The following SPATA22 variants were observed in gnomAD, a reference collection of about 807,000 sequenced individuals.
The protein encoded by SPATA22 is spermatogenesis-associated protein 22.
A neutral mutation model predicts 47.8 loss-of-function variants in SPATA22; 29 were observed. The ratio of observed to expected loss-of-function variants is 0.61; its 90% CI spans 0.45 to 0.83. The LOEUF (loss-of-function observed/expected upper bound fraction) is 0.83. SPATA22 is among the 40% of genes least tolerant of loss of function. The pLI is 0.00. For synonymous variants in SPATA22, 133 were observed against 140.9 expected (o/e 0.94, Z 0.40); for missense variants, 410 against 421.7 (o/e 0.97, Z 0.24).
chr17:3,463,878 G>T (rs1226664021), intron 3 of SPATA22, among the ~76,000 whole-genome samples: 1 of 150,632 alleles, frequency 6.6e-6, no homozygotes, highest in Non-Finnish European at 1.5e-5. Flanking sequence ...CTGATTAATG[G>T]ATCAAGACAA....
upstream of SPATA22, chr17:3,474,213 C>T (rs2073488695): frequency 6.6e-6 from 1 of 152,130 alleles, no homozygotes; most frequent in Non-Finnish European, 1.5e-5. Flanking sequence ...CATTAACTCT[C>T]AAAAAAGTTA....
At chr17:3,447,425 AC>A (rs528832062) in intron 6 of SPATA22, among the ~76,000 whole-genome samples, 107 of 142,942 alleles carry the variant, frequency 7.5e-4, no homozygotes, top group African/African-American at 2.5e-3. Context: ...CCCCCGCTTA[AC>A]GAAGATTCTA....
chr17:3,506,986 A>AGAAGGAAGGAAGGGAG (rs60257580), intron 1 of SPATA22, among the ~76,000 whole-genome samples: 1 of 140,838 alleles, frequency 7.1e-6, no homozygotes, highest in African/African-American at 2.8e-5. Context: ...GAAGGAAAAG[A>AGAAGGAAGGAAGGGAG]GAAGGAAGGG....
chr17:3,465,269 T>G (rs2073271606), intron 3 of SPATA22, among the ~76,000 whole-genome samples: 1 of 150,498 alleles, frequency 6.6e-6, no homozygotes, highest in African/African-American at 2.4e-5. Context: ...CCACCCCGTC[T>G]GGGAGGTGTG....
At chr17:3,504,236 C>G (rs1367454993) in intron 1 of SPATA22, among the ~76,000 whole-genome samples, 1 of 152,226 alleles carries the variant, frequency 6.6e-6, no homozygotes, top group Non-Finnish European at 1.5e-5. Context: ...GCCCCTCCTT[C>G]TATCCCATCT....
chr17:3,443,122 G>A (rs1597384451), intron 8 of SPATA22, 52 bp downstream of exon 8: 1 of 1,241,454 alleles, frequency 8.1e-7, no homozygotes, highest in Non-Finnish European at 1.2e-6. Context: ...TAGCCTGCAT[G>A]TTTATATTCT....
At chr17:3,483,629 T>C in intron 1 of SPATA22, 1 of 1,527,680 alleles carries the variant, frequency 6.5e-7, no homozygotes, top group Non-Finnish European at 9.1e-7. Flanking sequence ...CTCAATAAAA[T>C]ATGTCCTAGC....
rs745795378 is a variant in SPATA22 at position 3,485,486 on chromosome 17, C to T, written c.-73-16088G>A. On this transcript the variant is annotated intron_variant, in intron 1 of 8. Coordinates refer to the SPATA22 transcript ENST00000541913. The surrounding 1 kb of genome is among the most constrained non-coding windows in gnomAD (Gnocchi z 4.4). ...CGAGATCATGCCATTGCACTCCAGC[C>T]GGGGCAACAAAAGTGAAACTCCGTC... Among the ~76,000 whole-genome samples, 2 of 152,124 alleles carry T rather than the reference C, an allele frequency of 1.3e-5. No individual in the cohort carries two copies. The highest frequency in any genetic ancestry group is 6.6e-5 in the Admixed American group (1 of 15,264).
chr17:3,477,925 G>A (rs2073555961), intron 1 of SPATA22, among the ~76,000 whole-genome samples: 1 of 151,750 alleles, frequency 6.6e-6, no homozygotes, highest in Non-Finnish European at 1.5e-5. Flanking sequence ...GCTCACACCT[G>A]TAATCCCAAC....
chr17:3,508,138 T>C (rs1034951420), intron 1 of SPATA22, among the ~76,000 whole-genome samples: 3 of 152,132 alleles, frequency 2.0e-5, no homozygotes, highest in African/African-American at 7.2e-5. Context: ...CCACAACCCA[T>C]CAAGACAAGC....
At chr17:3,441,511 G>C (rs1316871464) in intron 8 of SPATA22, 1 of 152,016 alleles carries the variant, frequency 6.6e-6, no homozygotes, top group African/African-American at 2.4e-5. Flanking sequence ...AATACTAAGC[G>C]TTCGTAAGAA....
At chr17:3,481,492 T>G (rs993973318) in intron 1 of SPATA22, 24 of 999,342 alleles carry the variant, frequency 2.4e-5, no homozygotes, top group Middle Eastern at 3.2e-4. Flanking sequence ...CCACACAGAT[T>G]TTTCATATTA....
At chr17:3,462,362 A>T in intron 5 of SPATA22, 121 bp downstream of exon 5, 1 of 670,814 alleles carries the variant, frequency 1.5e-6, no homozygotes, top group Non-Finnish European at 2.5e-6. Flanking sequence ...TGTTATTTAT[A>T]GAAATTTCCT....
At chr17:3,473,972 G>T (rs186712884), upstream of SPATA22, 1 of 152,098 alleles carries the variant, frequency 6.6e-6, no homozygotes. Flanking sequence ...CTATCAGTTC[G>T]CTGAGAACTA....
intron 5 of SPATA22, among the ~76,000 whole-genome samples, chr17:3,457,264 T>C (rs2073019430): frequency 6.7e-6 from 1 of 149,778 alleles, no homozygotes; most frequent in Admixed American, 6.6e-5. Flanking sequence ...AAATTGTCCC[T>C]GTTTGCAGAC....
rs1471808717 is a variant in SPATA22 at position 3,463,931 on chromosome 17, C to G, written c.173-1164G>C. 1.5e-3 allele frequency among the ~76,000 whole-genome samples: 130 copies of G among 89,646 alleles called. 1 individual carries two copies. Among genetic ancestry groups the G allele is most frequent in the African/African-American group, 5.3e-3 (123 of 23,356 alleles). The allele number at this position is 89,646 out of a possible 152,430, so 58.8% of individuals were successfully genotyped here. The stretch of plus-strand genomic sequence containing the variant: ...TGATCCTCTCCCTCTCCCTCTCCCT[C>G]TCCCTCTCCCTCTCCCTCTGCCTCT... On this transcript the variant is annotated intron_variant, in intron 3 of 8. Transcript: ENST00000572969.
chr17:3,498,761 C>G, intron 1 of SPATA22: 1 of 935,444 alleles, frequency 1.1e-6, no homozygotes, highest in Non-Finnish European at 1.5e-6. Flanking sequence ...GCCTGCATCT[C>G]AATGCCTCGC....
chr17:3,458,845 C>T (rs556335229), intron 5 of SPATA22, among the ~76,000 whole-genome samples: 2 of 25,206 alleles, frequency 7.9e-5, no homozygotes, highest in African/African-American at 3.2e-4. Flanking sequence ...GCAACAAGAG[C>T]GAAACTTCAC....
intron 1 of SPATA22, among the ~76,000 whole-genome samples, chr17:3,482,949 C>T (rs1297759710): frequency 1.7e-5 from 2 of 116,054 alleles, no homozygotes; most frequent in Admixed American, 1.0e-4. Context: ...CCTCCCCCCA[C>T]CCCAATTCTT....
Sources: gnomAD v4.1 joint callset for allele counts (sites outside exome capture counted in the v4.1 genomes callset) on GRCh38, gnomAD v4.1.1 for gene constraint, Gnocchi (gnomAD v3.1) non-coding constraint, MANE v1.5 for transcripts, NCBI Gene and HGNC (gene_info 2026-07-23, HGNC 2026-07-21) for gene names.